SPATA17: variants seen among roughly 807,000 people sequenced by gnomAD.
SPATA17 encodes the protein spermatogenesis-associated protein 17.
Under a neutral mutation model 62.2 loss-of-function variants are expected in SPATA17, and 53 were observed. That is an observed-to-expected ratio of 0.85 (90% CI 0.68 to 1.07). The LOEUF (loss-of-function observed/expected upper bound fraction) is 1.07. Among genes scored for constraint, SPATA17 ranks in the 50% least tolerant of loss-of-function variants. The pLI, the probability that SPATA17 is intolerant of heterozygous loss-of-function variation, is 0.00. For synonymous variants in SPATA17, 146 were observed against 146.8 expected (o/e 0.99, Z 0.04); for missense variants, 466 against 425.5 (o/e 1.10, Z -0.84).
chr1:217,675,991 T>C (rs1177703034), intron 4 of SPATA17, among the ~76,000 whole-genome samples: 4 of 152,194 alleles, frequency 2.6e-5, no homozygotes, highest in African/African-American at 7.2e-5. Flanking sequence ...CCCTGTTTAC[T>C]TGGAAAACTG....
chr1:217,770,146 A>G (rs1673403327), intron 6 of SPATA17, among the ~76,000 whole-genome samples: 1 of 152,214 alleles, frequency 6.6e-6, no homozygotes, highest in South Asian at 2.1e-4. Context: ...CTGGCTTAGT[A>G]TATCATTTTT....
intron 5 of SPATA17, among the ~76,000 whole-genome samples, chr1:217,698,663 G>T (rs1558570150): frequency 6.6e-6 from 1 of 151,482 alleles, no homozygotes; most frequent in South Asian, 2.1e-4. Flanking sequence ...CAGCCAGGAT[G>T]TTGACCTTGA....
At chr1:217,770,423 T>C (rs942697341) in intron 6 of SPATA17, among the ~76,000 whole-genome samples, 20 of 152,176 alleles carry the variant, frequency 1.3e-4, no homozygotes, top group African/African-American at 4.6e-4. Flanking sequence ...TCATGAGAAA[T>C]TGTTATTTCT....
intron 5 of SPATA17, among the ~76,000 whole-genome samples, chr1:217,724,086 A>G (rs1165196897): frequency 6.6e-6 from 1 of 152,238 alleles, no homozygotes; most frequent in Non-Finnish European, 1.5e-5. Context: ...CTATGTCAAT[A>G]CATATAAATT....
At chr1:217,727,284 AAT>A (rs1491181529) in intron 5 of SPATA17, among the ~76,000 whole-genome samples, 14 of 146,926 alleles carry the variant, frequency 9.5e-5, no homozygotes, top group African/African-American at 3.4e-4. Flanking sequence ...TAATAATAAT[AAT>A]AACAACAAAA....
At chr1:217,838,767 G>T (rs1675319455) in intron 9 of SPATA17, among the ~76,000 whole-genome samples, 1 of 152,046 alleles carries the variant, frequency 6.6e-6, no homozygotes, top group African/African-American at 2.4e-5. Context: ...CGAGAGATAA[G>T]ATTATAGTTC....
chr1:217,839,977 G>A (rs377546899), intron 9 of SPATA17, among the ~76,000 whole-genome samples: 2 of 150,750 alleles, frequency 1.3e-5, no homozygotes, highest in South Asian at 2.1e-4. Context: ...AGTGCAACTC[G>A]GAAAATCGTG....
Position 217,742,069 on chromosome 1 carries a change from A to G in SPATA17, c.490A>G (p.Lys164Glu). 1 of 1,614,200 alleles carries G rather than the reference A, an allele frequency of 6.2e-7. No homozygotes were observed. The change falls in exon 6 of 11, where the codon AAG becomes GAG. Residue 164 changes from lysine to glutamate, a missense_variant. Coordinates refer to ENST00000366933, the MANE Select transcript of SPATA17 (RefSeq NM_138796.4). Reference sequence around the variant, plus strand: ...GAAGAAAAGAGATTACCAAGCCCGAAAGATGCATTACCTCCTCAGCACAAA... The same window carrying G: ...GAAGAAAAGAGATTACCAAGCCCGAGAGATGCATTACCTCCTCAGCACAAA... The part of the protein sequence containing the change: ...EEKKRDYQAR[K>E]MHYLLSTKQI...
intron 9 of SPATA17, among the ~76,000 whole-genome samples, chr1:217,850,842 C>G (rs765109833): frequency 1.3e-5 from 2 of 151,970 alleles, no homozygotes; most frequent in Non-Finnish European, 2.9e-5. Context: ...ACCTTACCAT[C>G]TAGTGGATGA....
Position 217,752,705 on chromosome 1 carries a change from C to T in SPATA17, c.519+10607C>T, listed in dbSNP as rs557046399. On this transcript the variant is annotated intron_variant, in intron 6 of 10. Coordinates refer to ENST00000366933, the MANE Select transcript of SPATA17 (RefSeq NM_138796.4). ...GATTCCCCATTTATGATTTACACAT[C>T]TGAAAGTTGGAAAAATTTTTCACAG... Among the ~76,000 whole-genome samples the T allele has an allele frequency of 5.7e-4, 87 of 152,222 alleles. 1 individual carries two copies. In the South Asian group the frequency reaches 0.018, roughly 31 times the overall value.
At chr1:217,646,129 G>A (rs1175522766) in intron 1 of SPATA17, among the ~76,000 whole-genome samples, 2 of 151,962 alleles carry the variant, frequency 1.3e-5, no homozygotes, top group African/African-American at 4.8e-5. Context: ...AAGGCCTTTT[G>A]CCTTGGCTTC....
At chr1:217,773,570 A>G (rs192383744) in intron 6 of SPATA17, among the ~76,000 whole-genome samples, 3 of 152,248 alleles carry the variant, frequency 2.0e-5, no homozygotes, top group African/African-American at 7.2e-5. Context: ...GCTAAATTTG[A>G]CTTAACATTT....
chr1:217,660,820 G>A (rs1287142809), intron 3 of SPATA17, among the ~76,000 whole-genome samples: 1 of 152,168 alleles, frequency 6.6e-6, no homozygotes, highest in African/African-American at 2.4e-5. Flanking sequence ...CTACTGCAAT[G>A]GTTGTATTTT....
chr1:217,850,428 C>T lies in SPATA17; in HGVS notation c.1006-12346C>T, dbSNP rs1042057516. 2.1e-5 allele frequency: 27 copies of T among 1,300,788 alleles called. No homozygotes were observed. In the Middle Eastern group the frequency reaches 1.1e-3, roughly 55 times the overall value. 80.6% of individuals were successfully genotyped at this position (1,300,788 alleles called of 1,614,324 possible). A position where few individuals can be genotyped will look rare whatever the true frequency, so the allele number is the denominator to read the frequency against. ...AACAGCCACATCTCAGACGCTGGAC[C>T]AGGTACAGGGTCAACTCTTTCTGGA... On this transcript the variant is annotated intron_variant, in intron 9 of 10. Coordinates refer to ENST00000366933, the MANE Select transcript of SPATA17 (RefSeq NM_138796.4).
intron 9 of SPATA17, among the ~76,000 whole-genome samples, chr1:217,852,040 A>G (rs1296557079): frequency 6.6e-6 from 1 of 152,132 alleles, no homozygotes; most frequent in African/African-American, 2.4e-5. Context: ...TCCCATCAAA[A>G]AACTGAAGGG....
intron 3 of SPATA17, among the ~76,000 whole-genome samples, chr1:217,658,313 C>A (rs1670485483): frequency 6.6e-6 from 1 of 152,168 alleles, no homozygotes; most frequent in African/African-American, 2.4e-5. Flanking sequence ...AGGAGTCTGG[C>A]AGCTTGAACG....
chr1:217,796,653 G>T (rs1050301957), intron 8 of SPATA17, among the ~76,000 whole-genome samples: 12 of 152,062 alleles, frequency 7.9e-5, no homozygotes, highest in African/African-American at 2.9e-4. Flanking sequence ...TGTATTAAGC[G>T]CTTATAGCTA....
At chr1:217,833,713 G>A (rs1675198249) in intron 9 of SPATA17, among the ~76,000 whole-genome samples, 1 of 152,158 alleles carries the variant, frequency 6.6e-6, no homozygotes, top group South Asian at 2.1e-4. Context: ...TCTTAAAAAT[G>A]TCAAATTAAT....
At chr1:217,727,902 A>C (rs930446345) in intron 5 of SPATA17, among the ~76,000 whole-genome samples, 4 of 152,160 alleles carry the variant, frequency 2.6e-5, no homozygotes, top group African/African-American at 9.7e-5. Flanking sequence ...ATATGTCATA[A>C]AGTTGTTTAA....
Sources: allele counts gnomAD v4.1 joint callset (sites outside exome capture counted in the v4.1 genomes callset), GRCh38; gene constraint gnomAD v4.1.1; transcripts MANE v1.5; gene names NCBI Gene and HGNC (gene_info 2026-07-23, HGNC 2026-07-21).